The following QRICH2 variants were observed in gnomAD, a reference collection of about 807,000 sequenced individuals.
The protein encoded by QRICH2 is glutamine-rich protein 2.
A neutral mutation model predicts 168.3 loss-of-function variants in QRICH2; 119 were observed. That is an observed-to-expected ratio of 0.71 (90% CI 0.61 to 0.82). The LOEUF (loss-of-function observed/expected upper bound fraction) is 0.82, where lower values mean the gene tolerates loss of function less well. QRICH2 is among the 40% of genes least tolerant of loss of function. The pLI, the probability that QRICH2 is intolerant of heterozygous loss-of-function variation, is 0.00. For missense variants in QRICH2, 2,241 were observed against 2,491.6 expected (o/e 0.90, Z 2.14); for synonymous variants, 894 against 951.2 (o/e 0.94, Z 1.11).
chr17:76,277,948 C>T (rs1363934945), intron 15 of QRICH2, 41 bp downstream of exon 15: 3 of 1,595,900 alleles, frequency 1.9e-6, no homozygotes, highest in Non-Finnish European at 2.6e-6. Context: ...AGCCTGGTCA[C>T]TGGGTGCCTG....
Position 76,283,852 on chromosome 17 carries a change from CA to C in QRICH2, c.4012-1738del, listed in dbSNP as rs1350732073. 2.3e-5 allele frequency among the ~76,000 whole-genome samples: 3 copies of C among 128,674 alleles called. 1 individual carries two copies. Among genetic ancestry groups the C allele is most frequent in the African/African-American group, 1.3e-4 (3 of 23,860 alleles). The allele number at this position is 128,674 out of a possible 152,430, so 84.4% of individuals were successfully genotyped here. ...TCATGCCATTGGACTCCAGCCTGGG[CA>C]ACAAGAGCGAAACTCTGTCTCAAAA... is the stretch of plus-strand genomic sequence containing the variant. On this transcript the variant is annotated intron_variant, in intron 7 of 18. Transcript: ENST00000680821.
rs780426606 is a variant in QRICH2 at position 76,287,883 on chromosome 17, C to T, written c.3813G>A (p.Gln1271=). ...GATTCCCTTCCCCTTCCAGGATCCTCTGCAGCCTTTCCACCTACAAACCCA... is the reference window on the plus strand; with the variant it reads ...GATTCCCTTCCCCTTCCAGGATCCTTTGCAGCCTTTCCACCTACAAACCCA... ...WQEKAKVERL[Q]RILEGEGNQE... The change falls in exon 6 of 19, where the codon CAG becomes CAA. Residue 1271 remains glutamine (Q), a synonymous_variant. Transcript: ENST00000680821. 6.2e-7 allele frequency: 1 copy of T among 1,613,966 alleles called. No homozygotes were observed. Among genetic ancestry groups the T allele is most frequent in the Non-Finnish European group, 8.5e-7 (1 of 1,179,978 alleles).
At chr17:76,296,874 A>G (rs1292347725) in intron 3 of QRICH2, among the ~76,000 whole-genome samples, 1 of 151,982 alleles carries the variant, frequency 6.6e-6, no homozygotes, top group Non-Finnish European at 1.5e-5. Context: ...CCGAGTGATG[A>G]GCACGCATTT....
At chr17:76,306,400 C>G (rs902551115) in intron 1 of QRICH2, among the ~76,000 whole-genome samples, 6 of 152,100 alleles carry the variant, frequency 3.9e-5, no homozygotes, top group Non-Finnish European at 7.4e-5. Flanking sequence ...CCCCTCCTGT[C>G]TCTCCTCTTG....
rs1335331048 is a variant in QRICH2, at chr17:76,307,399, G to A, written c.534+66C>T. 7.0e-6 allele frequency: 11 copies of A among 1,568,728 alleles called. No individual in the cohort carries two copies. Among genetic ancestry groups the A allele is most frequent in the Non-Finnish European group, 8.8e-6 (10 of 1,141,596 alleles). On this transcript the variant is annotated intron_variant, in intron 1 of 18. Transcript: ENST00000680821. This position sits in a 1 kb window ranked among gnomAD's most constrained non-coding sequence, Gnocchi z 5.3. ...CACCCCTCCAGGGTGGTGGGGACTC[G>A]GCTAGGCCTGGAGGGCGGCCTGGAG...
At chr17:76,301,377 G>A (rs894632876) in intron 3 of QRICH2, 1 of 189,864 alleles carries the variant, frequency 5.3e-6, no homozygotes, top group Non-Finnish European at 1.2e-5. Context: ...AGACCAGCCT[G>A]GGCAACATGA....
rs144131382 is a variant in QRICH2 at position 76,280,854 on chromosome 17, G to A, written c.4363C>T (p.Arg1455Trp). 1.2e-4 allele frequency: 196 copies of A among 1,613,844 alleles called. No individual in the cohort carries two copies. In the African/African-American group the frequency reaches 2.2e-3, roughly 18 times the overall value. Residue 1455 changes from arginine (R) to tryptophan (W), a missense_variant, in exon 9 of 19, where the codon CGG becomes TGG. By Grantham distance (101) the Arg-to-Trp change is moderately radical (BLOSUM62 -3). Transcript: ENST00000680821. This position sits in a 1 kb window ranked among gnomAD's most constrained non-coding sequence, Gnocchi z 7.4. ...ACAGCAATGTCCTTCTGTTTCTGCC[G>A]ATGGTCCTCGATGAGGTTGCTGGTG... ...ITTSNLIEDH[R>W]QKQKDIAMLY...
At chr17:76,288,245 G>C (rs902270151) in intron 5 of QRICH2, among the ~76,000 whole-genome samples, 1 of 151,844 alleles carries the variant, frequency 6.6e-6, no homozygotes, top group Admixed American at 6.6e-5. Context: ...TCAGCTGGGC[G>C]TGGTGGCTGG....
rs376506240 is a variant in QRICH2, at chr17:76,290,985, G to A, written c.3712+30C>T. 5.2e-5 allele frequency: 83 copies of A among 1,598,398 alleles called. No homozygotes were observed. In the African/African-American group the frequency reaches 1.1e-3, roughly 20 times the overall value. ...AAACCAACTGAAAACAGAGACAATG[G>A]TTTCTCCTCTATCGGCAAGCGGCAC... is the stretch of plus-strand genomic sequence containing the variant. On this transcript the variant is annotated intron_variant, in intron 4 of 18. Coordinates refer to ENST00000680821, the MANE Select transcript of QRICH2 (RefSeq NM_001388453.1).
chr17:76,284,641 A>G (rs1323568178), intron 7 of QRICH2, among the ~76,000 whole-genome samples: 1 of 151,810 alleles, frequency 6.6e-6, no homozygotes, highest in Non-Finnish European at 1.5e-5. Context: ...AGAAGGTGAA[A>G]CCCCGTCTCT....
chr17:76,287,807 C>T lies in QRICH2; in HGVS notation c.3889G>A (p.Val1297Ile). ...KAGELRLQLGVLRVTVADIEK... is the reference protein window; with the variant it reads ...KAGELRLQLGILRVTVADIEK... ...TTAGCTGGGGCATTTTACCTGAGGA[C>T]ACCCAGCTGCAATCTCAGCTCTCCA... Residue 1297 changes from valine (V) to isoleucine (I), a missense_variant, in exon 6 of 19, where the codon GTC becomes ATC. Val to Ile is a conservative substitution (Grantham distance 29, BLOSUM62 3). This residue lies in a region of QRICH2 where 2,047 missense variants were observed against 2,303.8 expected (regional missense o/e 0.89). Coordinates refer to ENST00000680821, the MANE Select transcript of QRICH2 (RefSeq NM_001388453.1). 6.2e-7 allele frequency: 1 copy of T among 1,612,392 alleles called. No individual in the cohort carries two copies. The highest frequency in any genetic ancestry group is 1.3e-5 in the African/African-American group (1 of 75,018).
chr17:76,296,914 C>T (rs913808554), intron 3 of QRICH2, among the ~76,000 whole-genome samples: 5 of 152,156 alleles, frequency 3.3e-5, no homozygotes, highest in Non-Finnish European at 5.9e-5. Flanking sequence ...GGAGACGTCC[C>T]AAGATTGGGG....
chr17:76,293,624 A>G lies in QRICH2; in HGVS notation c.1103T>C (p.Leu368Ser), dbSNP rs6501880. 0.32 allele frequency: 513,950 copies of G among 1,613,898 alleles called. 89,072 individuals carry two copies. The highest frequency in any genetic ancestry group is 0.64 in the African/African-American group (48,223 of 74,940). ...CACACTACTGGGCTGGTCTCTGGCC[A>G]AGGGTAAGTCCTGTTGAACTGGACC... ...RPGPVQQDLP[L>S]ARDQPSSVPA... The change falls in exon 4 of 19, where the codon TTG becomes TCG. Residue 368 changes from leucine to serine, a missense_variant. Leu to Ser is a moderately radical substitution (Grantham distance 145). Transcript: ENST00000680821.
At chr17:76,303,731 GGC>G (rs2070942398) in intron 3 of QRICH2, among the ~76,000 whole-genome samples, 1 of 151,954 alleles carries the variant, frequency 6.6e-6, no homozygotes, top group Non-Finnish European at 1.5e-5. Context: ...AAATTAGCCA[GGC>G]GTGGTGGTGG....
intron 4 of QRICH2, 36 bp downstream of exon 4, chr17:76,290,979 A>T: frequency 6.3e-7 from 1 of 1,592,378 alleles, no homozygotes; most frequent in East Asian, 2.2e-5. Flanking sequence ...GAAAACAGAG[A>T]CAATGGTTTC....
At chr17:76,302,002 G>T (rs1452397247) in intron 3 of QRICH2, among the ~76,000 whole-genome samples, 1 of 151,948 alleles carries the variant, frequency 6.6e-6, no homozygotes, top group African/African-American at 2.4e-5. Context: ...GGGTTCAAAT[G>T]ATTTTCCTGC....
rs1434366455 is a variant in QRICH2, at chr17:76,307,806, G to C, written c.193C>G (p.Arg65Gly). The change falls in exon 1 of 19, where the codon CGG becomes GGG. Residue 65 changes from arginine (R) to glycine (G), a missense_variant. This residue lies in a region of QRICH2 where 2,047 missense variants were observed against 2,303.8 expected (regional missense o/e 0.89). Transcript: ENST00000680821. The surrounding 1 kb of genome is among the most constrained non-coding windows in gnomAD (Gnocchi z 5.3). ...AGGTGCGGGATGCTGAACGAGCTCC[G>C]GACGGACTGCAGCGAGCGGCTGGGC... ...PEPSRSLQSV[R>G]SSFSIPHLPA... The C allele has an allele frequency of 1.5e-6, 2 of 1,333,552 alleles. No homozygotes were observed. Among genetic ancestry groups the C allele is most frequent in the Admixed American group, 3.6e-5 (1 of 28,028 alleles). The allele number at this position is 1,333,552 out of a possible 1,614,324, so 82.6% of individuals were successfully genotyped here. A position where few individuals can be genotyped will look rare whatever the true frequency, so the allele number is the denominator to read the frequency against.
intron 2 of QRICH2, 92 bp from the exon 3 acceptor site, chr17:76,304,617 T>G: frequency 1.1e-6 from 1 of 896,434 alleles, no homozygotes; most frequent in Non-Finnish European, 1.8e-6. Context: ...TCTGGGTGGG[T>G]CCTTCACAGC....
chr17:76,304,945 G>C lies in QRICH2; in HGVS notation c.535-4C>G, dbSNP rs2070966682. 1 of 1,611,438 alleles carries C rather than the reference G, an allele frequency of 6.2e-7. No individual in the cohort carries two copies. The highest frequency in any genetic ancestry group is 1.3e-5 in the African/African-American group (1 of 74,790). ...CATCAACCCGCTGTAAAAGTACCTGGAAGAAGAGTTCAGGAAAGGAGAATG... is the reference window on the plus strand; with the variant it reads ...CATCAACCCGCTGTAAAAGTACCTGCAAGAAGAGTTCAGGAAAGGAGAATG... On this transcript the variant is annotated splice_region_variant and splice_polypyrimidine_tract_variant and intron_variant, in intron 1 of 18. Coordinates refer to ENST00000680821, the MANE Select transcript of QRICH2 (RefSeq NM_001388453.1).
Sources: allele counts gnomAD v4.1 joint callset (sites outside exome capture counted in the v4.1 genomes callset), GRCh38; gene constraint gnomAD v4.1.1; regional missense constraint gnomAD v4.1.1; non-coding constraint Gnocchi (gnomAD v3.1); transcripts MANE v1.5; gene names NCBI Gene and HGNC (gene_info 2026-07-23, HGNC 2026-07-21).